The following MET variants were observed in gnomAD, a reference collection of about 807,000 sequenced individuals.
MET encodes the protein MET proto-oncogene, receptor tyrosine kinase, also known as hepatocyte growth factor receptor.
MET carries 48 observed loss-of-function variants against 133.1 expected under a neutral mutation model. The ratio of observed to expected loss-of-function variants is 0.36; its 90% CI spans 0.29 to 0.46. The LOEUF (loss-of-function observed/expected upper bound fraction) is 0.46. Among genes scored for constraint, MET ranks in the 20% least tolerant of loss-of-function variants. The pLI is 1.00. For missense variants in MET, 1,442 were observed against 1,695.9 expected (o/e 0.85, Z 2.63); for synonymous variants, 628 against 616.5 (o/e 1.02, Z -0.28).
At chr7:116,698,935 TAG>T (rs1053384463) in intron 1 of MET, 134 bp from the exon 2 acceptor site, 2 of 1,216,656 alleles carry the variant, frequency 1.6e-6, no homozygotes, top group African/African-American at 3.1e-5. Flanking sequence ...TGAAACTTGC[TAG>T]AGTTTTTGTT....
At position 116,739,955 on chromosome 7, in the gene MET, G is replaced by A. The variant is rs779091695; in HGVS notation, c.1398G>A (p.Val466=). Residue 466 remains valine (V), a synonymous_variant, in exon 4 of 21, where the codon GTG becomes GTA. Transcript: ENST00000397752. ...GTSEGRFMQV[V]VSRSGPSTPH... ...ATAACTTTTTTGCTGTTTAGGTTGT[G>A]GTTTCTCGATCAGGACCATCAACCC... 1.7e-5 allele frequency: 28 copies of A among 1,613,924 alleles called. No homozygotes were observed. Among genetic ancestry groups the A allele is most frequent in the Non-Finnish European group, 2.3e-5 (27 of 1,179,950 alleles).
chr7:116,768,143 T>C lies in MET; in HGVS notation c.2584-1502T>C, dbSNP rs1193634474. Reference sequence around the variant, plus strand: ...GTGGATGTGTGATCTGTTTTTGTTTTAGAGAAGCCTTTATGCAACAACCAG... The same window carrying C: ...GTGGATGTGTGATCTGTTTTTGTTTCAGAGAAGCCTTTATGCAACAACCAG... On this transcript the variant is annotated intron_variant, in intron 11 of 20. Coordinates refer to ENST00000397752, the MANE Select transcript of MET (RefSeq NM_000245.4). Among the ~76,000 whole-genome samples the C allele has an allele frequency of 3.3e-5, 5 of 152,026 alleles. No homozygotes were observed. In the South Asian group the frequency reaches 1.0e-3, roughly 32 times the overall value.
At position 116,679,937 on chromosome 7, in the gene MET, G is replaced by A. The variant is rs992797905; in HGVS notation, c.-15+7360G>A. On this transcript the variant is annotated intron_variant, in intron 1 of 20. Transcript: ENST00000397752. ...AAATAAACTATCATGCTAAAATATA[G>A]GCATTGAGATCTTTCTTGATACCAT... 4.6e-5 allele frequency among the ~76,000 whole-genome samples: 7 copies of A among 152,134 alleles called. No homozygotes were observed. The East Asian group carries it at 9.6e-4, about 21-fold the overall frequency.
chr7:116,780,158 A>AT (rs1176169561), intron 17 of MET, among the ~76,000 whole-genome samples: 5 of 152,046 alleles, frequency 3.3e-5, no homozygotes, highest in African/African-American at 7.2e-5. Flanking sequence ...CAAGTGGTAG[A>AT]TTTTTTTCTT....
chr7:116,774,253 TC>T (rs1214345369), intron 14 of MET, among the ~76,000 whole-genome samples: 1 of 152,224 alleles, frequency 6.6e-6, no homozygotes, highest in African/African-American at 2.4e-5. Flanking sequence ...TTTCATAGTG[TC>T]CTTAACTAAA....
At chr7:116,708,122 A>G (rs1791867327) in intron 2 of MET, among the ~76,000 whole-genome samples, 1 of 152,182 alleles carries the variant, frequency 6.6e-6, no homozygotes. Flanking sequence ...TGAAGATGAC[A>G]GTAAACATTC....
At chr7:116,784,483 T>C (rs2117071206) in intron 19 of MET, among the ~76,000 whole-genome samples, 1 of 152,172 alleles carries the variant, frequency 6.6e-6, no homozygotes, top group African/African-American at 2.4e-5. Context: ...TCAGGGAGCT[T>C]TTACCCATAG....
intron 1 of MET, among the ~76,000 whole-genome samples, chr7:116,675,756 T>C (rs561809091): frequency 5.9e-4 from 53 of 89,224 alleles, no homozygotes; most frequent in South Asian, 2.5e-3. Context: ...CTCTCTCTCT[T>C]TTTTTTTTTT....
Position 116,699,148 on chromosome 7 carries a change from A to G in MET, c.64A>G (p.Ser22Gly). ...GCTCCTGTTTACCTTGGTGCAGAGG[A>G]GCAATGGGGAGTGTAAAGAGGCACT... The part of the protein sequence containing the change: ...LVLLFTLVQR[S>G]NGECKEALAK... The change falls in exon 2 of 21, where the codon AGC (serine) becomes GGC (glycine). Residue 22 changes from serine to glycine, a missense_variant. This residue lies in a region of MET where 762 missense variants were observed against 792.4 expected (regional missense o/e 0.96). Transcript: ENST00000397752. 2 of 1,613,828 alleles carry G rather than the reference A, an allele frequency of 1.2e-6. No homozygotes were observed. Among genetic ancestry groups the G allele is most frequent in the Middle Eastern group, 1.7e-4 (1 of 6,056 alleles).
chr7:116,768,227 T>A (rs1430500690), intron 11 of MET, among the ~76,000 whole-genome samples: 1 of 152,116 alleles, frequency 6.6e-6, no homozygotes, highest in Non-Finnish European at 1.5e-5. Flanking sequence ...CATTCATCCC[T>A]TCCCCCAACC....
At chr7:116,693,796 G>A (rs1005147642) in intron 1 of MET, among the ~76,000 whole-genome samples, 2 of 152,162 alleles carry the variant, frequency 1.3e-5, no homozygotes, top group East Asian at 1.9e-4. Context: ...CTGACACTTA[G>A]ATGCTTATAA....
At chr7:116,719,808 A>G (rs1471801414) in intron 2 of MET, among the ~76,000 whole-genome samples, 5 of 151,692 alleles carry the variant, frequency 3.3e-5, no homozygotes, top group Admixed American at 1.3e-4. Flanking sequence ...GTAGATATGC[A>G]GCGTTATTTC....
chr7:116,716,284 GGAGAGAGAGAGA>G (rs564115135), intron 2 of MET, among the ~76,000 whole-genome samples: 1,050 of 38,044 alleles, frequency 0.028, 12 homozygotes, highest in African/African-American at 0.05. Context: ...AGGGAGAGAG[GGAGAGAGAGAGA>G]GAGAGAGAGA....
Position 116,711,165 on chromosome 7 carries a change from G to A in MET, c.1200+10881G>A, listed in dbSNP as rs186747779. 1.4e-4 allele frequency among the ~76,000 whole-genome samples: 22 copies of A among 152,282 alleles called. No homozygotes were observed. In the East Asian group the frequency reaches 3.1e-3, roughly 21 times the overall value. ...GCTTTCCTTTTGTACTCTGAAGTACGGGTAAATCACAAATTAAACTGAGCT... is the reference window on the plus strand; with the variant it reads ...GCTTTCCTTTTGTACTCTGAAGTACAGGTAAATCACAAATTAAACTGAGCT... On this transcript the variant is annotated intron_variant, in intron 2 of 20. Transcript: ENST00000397752.
intron 8 of MET, among the ~76,000 whole-genome samples, chr7:116,758,233 GT>G (rs200147795): frequency 2.7e-5 from 4 of 150,832 alleles, no homozygotes; most frequent in South Asian, 2.1e-4. Context: ...TACTTTAAAG[GT>G]TTTTTTTTCA....
At chr7:116,677,428 T>C (rs1191561099) in intron 1 of MET, among the ~76,000 whole-genome samples, 4 of 152,194 alleles carry the variant, frequency 2.6e-5, no homozygotes, top group African/African-American at 7.2e-5. Flanking sequence ...ACAAACTGCT[T>C]AGGAAAAGCA....
chr7:116,752,037 G>A (rs952058097), intron 5 of MET, among the ~76,000 whole-genome samples: 3 of 152,036 alleles, frequency 2.0e-5, no homozygotes, highest in African/African-American at 4.8e-5. Flanking sequence ...CTCCAGCCTG[G>A]ATGACAGAAC....
Position 116,769,964 on chromosome 7 carries a change from T to C in MET, c.2730+173T>C, listed in dbSNP as rs971875449. 1.5e-5 allele frequency: 14 copies of C among 921,900 alleles called. No homozygotes were observed. The Admixed American group carries it at 2.9e-4, about 19-fold the overall frequency. The allele number at this position is 921,900 out of a possible 1,614,324, so 57.1% of individuals were successfully genotyped here. On this transcript the variant is annotated intron_variant, in intron 12 of 20. Transcript: ENST00000397752. ...ATAGTGAGCTTTTTGCCACATTGTCTCCTTCCCCAAGCCTGGGAGGTAGAT... is the reference window on the plus strand; with the variant it reads ...ATAGTGAGCTTTTTGCCACATTGTCCCCTTCCCCAAGCCTGGGAGGTAGAT...
At position 116,781,771 on chromosome 7, in the gene MET, T is replaced by A. The variant is rs73471132; in HGVS notation, c.3523-217T>A. ...GCGGTGGATGGGAGTAAAGACAGGATCTCACTGTGTTGCCCAGGCTGATCT... is the reference window on the plus strand; with the variant it reads ...GCGGTGGATGGGAGTAAAGACAGGAACTCACTGTGTTGCCCAGGCTGATCT... On this transcript the variant is annotated intron_variant, in intron 17 of 20. Transcript: ENST00000397752. 0.026 allele frequency among the ~76,000 whole-genome samples: 3,883 copies of A among 152,186 alleles called. 172 individuals carry two copies. The highest frequency in any genetic ancestry group is 0.088 in the African/African-American group (3,648 of 41,508).
Sources: gnomAD v4.1 joint callset for allele counts (sites outside exome capture counted in the v4.1 genomes callset) on GRCh38, gnomAD v4.1.1 for gene constraint, gnomAD v4.1.1 regional missense constraint, MANE v1.5 for transcripts, NCBI Gene and HGNC (gene_info 2026-07-23, HGNC 2026-07-21) for gene names.